The following USP36 variants were observed in gnomAD, a reference collection of about 807,000 sequenced individuals.
The protein encoded by USP36 is ubiquitin carboxyl-terminal hydrolase 36.
Under a neutral mutation model 111.5 loss-of-function variants are expected in USP36, and 59 were observed. The observed-to-expected ratio is 0.53, with a 90% CI of 0.43 to 0.66. USP36 has a LOEUF of 0.66. USP36 is among the 30% of genes least tolerant of loss of function. USP36 has a pLI of 0.00. For synonymous variants in USP36, 628 were observed against 581.0 expected (o/e 1.08, Z -1.16); for missense variants, 1,488 against 1,468.0 (o/e 1.01, Z -0.22).
chr17:78,836,264 T>C lies in USP36; in HGVS notation c.100A>G (p.Lys34Glu). The change falls in exon 3 of 21, where the codon AAG becomes GAG. Residue 34 changes from lysine (K) to glutamate (E), a missense_variant. Around this residue, in one of 3 missense-constraint regions of USP36, gnomAD observed 219 missense variants for 209.5 expected, o/e 1.05. Transcript: ENST00000449938. ...AACTCGATTTTCTGTAAAAGGACCT[T>C]CTTGGCAGAGGAGGCAAGAAGCTTC... is the stretch of plus-strand genomic sequence containing the variant. Reference protein sequence around the residue: ...LGKLLASSAKKVLLQKIEFEP... With the variant: ...LGKLLASSAKEVLLQKIEFEP... 1 of 1,614,162 alleles carries C rather than the reference T, an allele frequency of 6.2e-7. No homozygotes were observed. Among genetic ancestry groups the C allele is most frequent in the Non-Finnish European group, 8.5e-7 (1 of 1,180,028 alleles).
Position 78,814,499 on chromosome 17 carries a change from A to C in USP36, c.1077T>G (p.Asn359Lys). 1 of 1,614,222 alleles carries C rather than the reference A, an allele frequency of 6.2e-7. No homozygotes were observed. Among genetic ancestry groups the C allele is most frequent in the Non-Finnish European group, 8.5e-7 (1 of 1,180,032 alleles). The change falls in exon 11 of 21, where the codon AAT becomes AAG. Residue 359 changes from asparagine (N) to lysine (K), a missense_variant. Asn to Lys is a moderately conservative substitution (Grantham distance 94). Coordinates refer to ENST00000449938, the MANE Select transcript of USP36 (RefSeq NM_001385174.1). ...AGAGTCCATACATGACAGGATCACC[A>C]TTATTCTGGGACATATACGGACGTA... The part of the protein sequence containing the change: ...LNIRPYMSQN[N>K]GDPVMYGLYA...
At chr17:78,806,536 C>T (rs2093906751) in intron 14 of USP36, among the ~76,000 whole-genome samples, 3 of 152,220 alleles carry the variant, frequency 2.0e-5, no homozygotes, top group Admixed American at 1.3e-4. Context: ...ACAACAATCA[C>T]ATCCACGTGC....
At chr17:78,837,473 T>C (rs2068789884) in intron 2 of USP36, among the ~76,000 whole-genome samples, 1 of 151,960 alleles carries the variant, frequency 6.6e-6, no homozygotes, top group Admixed American at 6.6e-5. Flanking sequence ...TACTGTAAAA[T>C]AGCAACAAAA....
intron 9 of USP36, 129 bp downstream of exon 9, chr17:78,819,801 C>T (rs902309683): frequency 4.5e-5 from 40 of 891,424 alleles, no homozygotes; most frequent in South Asian, 4.7e-5. Flanking sequence ...TTAGGACACA[C>T]ATAGGTTCCT....
In USP36 at chr17:78,803,939, T is replaced by C. The variant is rs1481111769; in HGVS notation, c.2256A>G (p.Gln752=). Reference sequence around the variant, plus strand: ...ATGTGGGGTGGGGGCTGAAGGGGGGTTGCAGGCGGCTGGATGATTGGGGAG... The same window carrying C: ...ATGTGGGGTGGGGGCTGAAGGGGGGCTGCAGGCGGCTGGATGATTGGGGAG... ...SPAPQSSSRL[Q]PPFSPHPTLL... is the part of the protein sequence containing the mutation. Residue 752 remains glutamine, a synonymous_variant, in exon 16 of 21, where the codon CAA becomes CAG. Transcript: ENST00000449938. The surrounding 1 kb of genome is among the most constrained non-coding windows in gnomAD (Gnocchi z 4.6). 27 of 1,581,860 alleles carry C rather than the reference T, an allele frequency of 1.7e-5. No individual in the cohort carries two copies. The highest frequency in any genetic ancestry group is 2.3e-5 in the Non-Finnish European group (27 of 1,163,626).
At chr17:78,837,750 C>A (rs2145680966) in intron 2 of USP36, among the ~76,000 whole-genome samples, 2 of 152,304 alleles carry the variant, frequency 1.3e-5, no homozygotes, top group Middle Eastern at 3.4e-3. Context: ...TGATGACTTC[C>A]TCTGGTATTC....
At chr17:78,831,195 C>G (rs969830573) in intron 4 of USP36, among the ~76,000 whole-genome samples, 1 of 133,838 alleles carries the variant, frequency 7.5e-6, no homozygotes, top group African/African-American at 2.9e-5. Context: ...CACTGCACTC[C>G]GGCCTGGGCG....
chr17:78,822,274 G>C (rs1258475953), intron 6 of USP36, among the ~76,000 whole-genome samples: 3 of 152,132 alleles, frequency 2.0e-5, no homozygotes, highest in Non-Finnish European at 4.4e-5. Flanking sequence ...CCACTTCACA[G>C]AAAATAAAAG....
downstream of USP36, among the ~76,000 whole-genome samples, chr17:78,791,352 A>C (rs1421107229): frequency 6.6e-6 from 1 of 151,768 alleles, no homozygotes; most frequent in Non-Finnish European, 1.5e-5. Context: ...TCCTGACCTC[A>C]GGTGATCCGC....
chr17:78,838,389 A>C (rs1393457299), intron 2 of USP36, among the ~76,000 whole-genome samples, 198 bp downstream of exon 2: 18 of 151,664 alleles, frequency 1.2e-4, no homozygotes, highest in Non-Finnish European at 2.4e-4. Flanking sequence ...AAAAAAAACA[A>C]AAAACAAAAA....
chr17:78,789,343 C>A (rs1024241454), intron 3 of USP36, among the ~76,000 whole-genome samples: 15 of 152,044 alleles, frequency 9.9e-5, no homozygotes, highest in African/African-American at 3.1e-4. Context: ...AGAAGCCAGC[C>A]TCTGACCCCT....
At chr17:78,801,571 A>T (rs991306549) in intron 17 of USP36, among the ~76,000 whole-genome samples, 6 of 151,490 alleles carry the variant, frequency 4.0e-5, no homozygotes, top group Non-Finnish European at 5.9e-5. Context: ...CTGCCAAGGC[A>T]TGCCCCAGCC....
Position 78,821,017 on chromosome 17 carries a change from A to G in USP36, c.802T>C (p.Tyr268His), listed in dbSNP as rs1227316237. 1 of 1,608,832 alleles carries G rather than the reference A, an allele frequency of 6.2e-7. No individual in the cohort carries two copies. Among genetic ancestry groups the G allele is most frequent in the South Asian group, 1.1e-5 (1 of 89,964 alleles). The change falls in exon 8 of 21, where the codon TAC becomes CAC. Residue 268 changes from tyrosine to histidine, a missense_variant. Physicochemically the swap from Tyr to His is moderately conservative, Grantham distance 83. Coordinates refer to ENST00000449938, the MANE Select transcript of USP36 (RefSeq NM_001385174.1). ...CGGATCTCCAGCGCGACGTCCAAGT[A>G]GGGGTCGTAGGTGTCCGAGACGCTC... ...CKSVSDTYDP[Y>H]LDVALEIRQA... is the part of the protein sequence containing the mutation.
At chr17:78,830,031 G>A (rs1347888597) in intron 4 of USP36, among the ~76,000 whole-genome samples, 1 of 152,158 alleles carries the variant, frequency 6.6e-6, no homozygotes, top group African/African-American at 2.4e-5. Context: ...GAGCCATCGA[G>A]CCCAGCCCCG....
At chr17:78,807,764 T>A (rs977099283) in intron 13 of USP36, 128 bp from the exon 14 acceptor site, 3 of 956,872 alleles carry the variant, frequency 3.1e-6, no homozygotes, top group Non-Finnish European at 2.9e-6. Context: ...AGATAAATTA[T>A]TTATCTGGAC....
At chr17:78,822,861 C>T (rs1167664659) in intron 6 of USP36, among the ~76,000 whole-genome samples, 1 of 152,168 alleles carries the variant, frequency 6.6e-6, no homozygotes, top group Non-Finnish European at 1.5e-5. Flanking sequence ...GTCTGCAGGC[C>T]CTTTACTAGG....
intron 13 of USP36, among the ~76,000 whole-genome samples, chr17:78,809,467 C>T (rs913557880): frequency 6.6e-6 from 1 of 152,112 alleles, no homozygotes; most frequent in Non-Finnish European, 1.5e-5. Context: ...TAAAACGGCT[C>T]GTCTGCTTGC....
intron 2 of USP36, among the ~76,000 whole-genome samples, chr17:78,837,511 C>G (rs986299995): frequency 6.6e-6 from 1 of 152,110 alleles, no homozygotes; most frequent in Non-Finnish European, 1.5e-5. Context: ...TGCTTTAGAG[C>G]TTGCTACATA....
rs559790137 is a variant in USP36, at chr17:78,803,946, C to A, written c.2249G>T (p.Arg750Leu). The change falls in exon 16 of 21, where the codon CGC becomes CTC. Residue 750 changes from arginine (R) to leucine (L), a missense_variant. Physicochemically the swap from Arg to Leu is moderately radical, Grantham distance 102. Around this residue, in one of 3 missense-constraint regions of USP36, gnomAD observed 1,073 missense variants for 994.1 expected, o/e 1.08. Transcript: ENST00000449938. This position sits in a 1 kb window ranked among gnomAD's most constrained non-coding sequence, Gnocchi z 4.6. ...GTGGGGGCTGAAGGGGGGTTGCAGG[C>A]GGCTGGATGATTGGGGAGCAGGTGA... is the stretch of plus-strand genomic sequence containing the variant. Reference protein sequence around the residue: ...AVSPAPQSSSRLQPPFSPHPT... With the variant: ...AVSPAPQSSSLLQPPFSPHPT... 3 of 1,601,572 alleles carry A rather than the reference C, an allele frequency of 1.9e-6. No homozygotes were observed. Among genetic ancestry groups the A allele is most frequent in the South Asian group, 2.2e-5 (2 of 90,350 alleles).
Sources: gnomAD v4.1 joint callset for allele counts (sites outside exome capture counted in the v4.1 genomes callset) on GRCh38, gnomAD v4.1.1 for gene constraint, gnomAD v4.1.1 regional missense constraint, Gnocchi (gnomAD v3.1) non-coding constraint, MANE v1.5 for transcripts, NCBI Gene and HGNC (gene_info 2026-07-23, HGNC 2026-07-21) for gene names.